LMTK3: variants seen among roughly 807,000 people sequenced by gnomAD.
LMTK3 encodes the protein serine/threonine-protein kinase LMTK3.
Under a neutral mutation model 116.7 loss-of-function variants are expected in LMTK3, and 27 were observed. The observed-to-expected ratio is 0.23, with a 90% CI of 0.17 to 0.32. The LOEUF is 0.32. LMTK3 is among the 10% of genes least tolerant of loss of function. LMTK3 has a pLI of 1.00. For synonymous variants in LMTK3, 965 were observed against 971.0 expected (o/e 0.99, Z 0.11); for missense variants, 1,764 against 2,068.5 (o/e 0.85, Z 2.86).
chr19:48,497,000 A>G (rs566882900), intron 11 of LMTK3, among the ~76,000 whole-genome samples: 29 of 152,272 alleles, frequency 1.9e-4, no homozygotes, highest in Middle Eastern at 3.4e-3. Context: ...CCGTTTCCCT[A>G]TGTCGTCTGG....
At chr19:48,502,357 T>C in intron 7 of LMTK3, 76 bp downstream of exon 7, 1 of 1,364,276 alleles carries the variant, frequency 7.3e-7, no homozygotes, top group Non-Finnish European at 1.0e-6. Context: ...GCCCCCCCTC[T>C]AGCCCCTCCC....
upstream of LMTK3, among the ~76,000 whole-genome samples, chr19:48,512,606 A>G (rs947950423): frequency 6.6e-6 from 1 of 152,104 alleles, no homozygotes; most frequent in Admixed American, 6.5e-5. Context: ...ACTAACATAG[A>G]CACGGACACA....
chr19:48,485,824 T>C (rs1972113355), intron 14 of LMTK3, 35 bp from the exon 15 acceptor site: 1 of 1,596,286 alleles, frequency 6.3e-7, no homozygotes, highest in African/African-American at 1.3e-5. Context: ...GAAATGAAAT[T>C]ACTAGGGGGA....
At chr19:48,509,616 T>C in intron 3 of LMTK3, 103 bp from the exon 4 acceptor site, 1 of 962,900 alleles carries the variant, frequency 1.0e-6, no homozygotes, top group South Asian at 1.7e-5. Flanking sequence ...GACATCACTC[T>C]CTTTTCATTG....
At position 48,499,555 on chromosome 19, in the gene LMTK3, G is replaced by T. The variant is rs1972418740; in HGVS notation, c.1514C>A (p.Ala505Asp). The T allele has an allele frequency of 2.6e-6, 4 of 1,512,780 alleles. No individual in the cohort carries two copies. Among genetic ancestry groups the T allele is most frequent in the Non-Finnish European group, 3.5e-6 (4 of 1,131,934 alleles). The allele number at this position is 1,512,780 out of a possible 1,614,324, so 93.7% of individuals were successfully genotyped here. ...AGGGTTGGAGGGGTTGGCGTGGGGG[G>T]CCGGGGGGGCCGACGCCGGCTGCCA... is the stretch of plus-strand genomic sequence containing the variant. ...PAWQPASAPP[A>D]PHANPSNPFY... Residue 505 changes from alanine to aspartate, a missense_variant, in exon 11 of 15, where the codon GCC (alanine) becomes GAC (aspartate). This residue lies in a region of LMTK3 where 1,028 missense variants were observed against 1,050.6 expected (regional missense o/e 0.98). Coordinates refer to ENST00000600059, the MANE Select transcript of LMTK3 (RefSeq NM_001388485.1).
intron 14 of LMTK3, among the ~76,000 whole-genome samples, chr19:48,489,649 C>T (rs1972187383): frequency 6.6e-6 from 1 of 152,300 alleles, no homozygotes; most frequent in South Asian, 2.1e-4. Flanking sequence ...GCTGCATACT[C>T]GGGAGGATTA....
At chr19:48,488,183 A>G (rs1972158088) in intron 14 of LMTK3, among the ~76,000 whole-genome samples, 1 of 151,842 alleles carries the variant, frequency 6.6e-6, no homozygotes, top group African/African-American at 2.4e-5. Context: ...GTGTCCCCAT[A>G]CCCTGGAATG....
chr19:48,499,548 G>A lies in LMTK3; in HGVS notation c.1521C>T (p.His507=), dbSNP rs1972418570. 2 of 1,510,100 alleles carry A rather than the reference G, an allele frequency of 1.3e-6. No homozygotes were observed. The highest frequency in any genetic ancestry group is 1.8e-6 in the Non-Finnish European group (2 of 1,131,596). The allele number at this position is 1,510,100 out of a possible 1,614,324, so 93.5% of individuals were successfully genotyped here. A position where few individuals can be genotyped will look rare whatever the true frequency, so the allele number is the denominator to read the frequency against. Residue 507 remains histidine (H), a synonymous_variant, in exon 11 of 15, where the codon CAC becomes CAT. Coordinates refer to ENST00000600059, the MANE Select transcript of LMTK3 (RefSeq NM_001388485.1). The part of the protein sequence containing the change: ...WQPASAPPAP[H]ANPSNPFYEA... ...CGTAGAAAGGGTTGGAGGGGTTGGC[G>A]TGGGGGGCCGGGGGGGCCGACGCCG... is the stretch of plus-strand genomic sequence containing the variant.
chr19:48,497,477 G>T lies in LMTK3; in HGVS notation c.3592C>A (p.Pro1198Thr). The T allele has an allele frequency of 1.3e-6, 2 of 1,502,992 alleles. No homozygotes were observed. The highest frequency in any genetic ancestry group is 1.8e-6 in the Non-Finnish European group (2 of 1,129,694). 93.1% of individuals were successfully genotyped at this position (1,502,992 alleles called of 1,614,324 possible). The change falls in exon 11 of 15, where the codon CCC becomes ACC. Residue 1198 changes from proline to threonine, a missense_variant. By Grantham distance (38) the Pro-to-Thr change is conservative. Transcript: ENST00000600059. The surrounding 1 kb of genome is among the most constrained non-coding windows in gnomAD (Gnocchi z 5.7). ...TCGGGGCCCTTCCTCTCGGGCTTGG[G>T]GGGGTCCCCGTCTCCGCTGAGTGCC... Reference protein sequence around the residue: ...DTALSGDGDPPKPERKGPEMP... With the variant: ...DTALSGDGDPTKPERKGPEMP...
intron 7 of LMTK3, among the ~76,000 whole-genome samples, chr19:48,502,147 G>T (rs1247170816): frequency 1.2e-5 from 1 of 81,772 alleles, no homozygotes; most frequent in South Asian, 4.8e-4. Flanking sequence ...CTCCTCCCCT[G>T]ACCCCTCCCC....
In LMTK3 at chr19:48,498,182, C is replaced by G; in HGVS notation, c.2887G>C (p.Glu963Gln). Reference protein sequence around the residue: ...EREEKVLENGELTPPRREEKA... With the variant: ...EREEKVLENGQLTPPRREEKA... ...TCCTCCCTCCTTGGGGGTGTCAGCT[C>G]CCCATTCTCCAGCACTTTCTCTTCT... The change falls in exon 11 of 15, where the codon GAG becomes CAG. Residue 963 changes from glutamate to glutamine, a missense_variant. This residue lies in a region of LMTK3 where 1,028 missense variants were observed against 1,050.6 expected (regional missense o/e 0.98). Transcript: ENST00000600059. The G allele has an allele frequency of 6.2e-7, 1 of 1,613,654 alleles. No individual in the cohort carries two copies. The highest frequency in any genetic ancestry group is 8.5e-7 in the Non-Finnish European group (1 of 1,179,792).
At position 48,491,678 on chromosome 19, in the gene LMTK3, T is replaced by G; in HGVS notation, c.4093-139A>C. 1 of 806,134 alleles carries G rather than the reference T, an allele frequency of 1.2e-6. No individual in the cohort carries two copies. Among genetic ancestry groups the G allele is most frequent in the Non-Finnish European group, 1.7e-6 (1 of 593,206 alleles). 49.9% of individuals were successfully genotyped at this position (806,134 alleles called of 1,614,324 possible). ...TTTGTAATCACTGACTCGCACGCTC[T>G]GGAGAGGTGGCTGGAGCCCCTAATC... On this transcript the variant is annotated intron_variant, in intron 12 of 14. Transcript: ENST00000600059. The surrounding 1 kb of genome is among the most constrained non-coding windows in gnomAD (Gnocchi z 5.1).
chr19:48,506,336 G>T (rs552774540), intron 5 of LMTK3, among the ~76,000 whole-genome samples: 2 of 152,032 alleles, frequency 1.3e-5, no homozygotes, highest in South Asian at 4.2e-4. Flanking sequence ...ATAAGAATTT[G>T]GTGTGTCTTC....
At chr19:48,506,527 C>T (rs1489366582) in intron 5 of LMTK3, among the ~76,000 whole-genome samples, 1 of 152,176 alleles carries the variant, frequency 6.6e-6, no homozygotes, top group Non-Finnish European at 1.5e-5. Flanking sequence ...TGGCGGGAGG[C>T]AGAGCCACTT....
chr19:48,511,530 G>A lies in LMTK3; in HGVS notation c.47C>T (p.Ser16Phe). 1 of 1,422,746 alleles carries A rather than the reference G, an allele frequency of 7.0e-7. No homozygotes were observed. The highest frequency in any genetic ancestry group is 1.5e-5 in the South Asian group (1 of 66,110). 88.1% of individuals were successfully genotyped at this position (1,422,746 alleles called of 1,614,324 possible). Residue 16 changes from serine (S) to phenylalanine (F), a missense_variant, in exon 1 of 15, where the codon TCC becomes TTC. Coordinates refer to ENST00000600059, the MANE Select transcript of LMTK3 (RefSeq NM_001388485.1). Reference protein sequence around the residue: ...ALILLAAVSASGCLASPAHPD... With the variant: ...ALILLAAVSAFGCLASPAHPD... Reference sequence around the variant, plus strand: ...GTGGGCCGGGGACGCCAGGCAGCCGGAGGCGGAGACGGCCGCAAGGAGGAT... The same window carrying A: ...GTGGGCCGGGGACGCCAGGCAGCCGAAGGCGGAGACGGCCGCAAGGAGGAT...
chr19:48,500,976 C>G lies in LMTK3; in HGVS notation c.1151+20G>C, dbSNP rs1418129004. On this transcript the variant is annotated intron_variant, in intron 10 of 14. Transcript: ENST00000600059. The surrounding 1 kb of genome is among the most constrained non-coding windows in gnomAD (Gnocchi z 4.0). ...GGTGGGGTGCGGCAGGCCAGGAGCCCCGGGTGGGCTAGCCCTCACCAGTAG... is the reference window on the plus strand; with the variant it reads ...GGTGGGGTGCGGCAGGCCAGGAGCCGCGGGTGGGCTAGCCCTCACCAGTAG... 4.1e-5 allele frequency: 61 copies of G among 1,476,646 alleles called. No homozygotes were observed. The highest frequency in any genetic ancestry group is 5.5e-5 in the Non-Finnish European group (61 of 1,116,202). 91.5% of individuals were successfully genotyped at this position (1,476,646 alleles called of 1,614,324 possible). A position where few individuals can be genotyped will look rare whatever the true frequency, so the allele number is the denominator to read the frequency against.
chr19:48,498,558 T>C lies in LMTK3; in HGVS notation c.2511A>G (p.Pro837=). 1.3e-6 allele frequency: 2 copies of C among 1,560,368 alleles called. No homozygotes were observed. The highest frequency in any genetic ancestry group is 1.7e-6 in the Non-Finnish European group (2 of 1,152,530). The change falls in exon 11 of 15, where the codon CCA becomes CCG. Residue 837 remains proline, a synonymous_variant. Coordinates refer to ENST00000600059, the MANE Select transcript of LMTK3 (RefSeq NM_001388485.1). The part of the protein sequence containing the change: ...PPDPGAPRPP[P]DPGPLPLPGP... ...CCGGGAGTGGGAGCGGACCCGGGTCTGGAGGTGGCCGGGGCGCTCCTGGGT... is the reference window on the plus strand; with the variant it reads ...CCGGGAGTGGGAGCGGACCCGGGTCCGGAGGTGGCCGGGGCGCTCCTGGGT...
upstream of LMTK3, chr19:48,512,992 CACACAAGGTTACAAAG>C: frequency 1.4e-6 from 1 of 699,722 alleles, no homozygotes. Context: ...ACACACCTTT[CACACAAGGTTACAAAG>C]ACACAGAACC....
intron 1 of LMTK3, 68 bp from the exon 2 acceptor site, chr19:48,510,660 C>T: frequency 1.4e-6 from 2 of 1,456,532 alleles, no homozygotes; most frequent in Non-Finnish European, 1.8e-6. Flanking sequence ...TGCCCCCTCC[C>T]GTCCCGGCAC....
Sources: allele counts gnomAD v4.1 joint callset (sites outside exome capture counted in the v4.1 genomes callset), GRCh38; gene constraint gnomAD v4.1.1; regional missense constraint gnomAD v4.1.1; non-coding constraint Gnocchi (gnomAD v3.1); transcripts MANE v1.5; gene names NCBI Gene and HGNC (gene_info 2026-07-23, HGNC 2026-07-21).